The following CLPTM1 variants were observed in gnomAD, a reference collection of about 807,000 sequenced individuals.
The protein encoded by CLPTM1 is CLPTM1 regulator of GABA type A receptor forward trafficking, also known as putative lipid scramblase CLPTM1.
In CLPTM1, 21 loss-of-function variants were observed where a neutral mutation model predicts 77.3. The ratio of observed to expected loss-of-function variants is 0.27; its 90% CI spans 0.19 to 0.39. The LOEUF (loss-of-function observed/expected upper bound fraction) is 0.39, where lower values mean the gene tolerates loss of function less well. Among genes scored for constraint, CLPTM1 ranks in the 10% least tolerant of loss-of-function variants. The probability of loss-of-function intolerance (pLI) is 1.00; values close to 1 mark genes in which losing one functional copy is unlikely to be tolerated. For missense variants in CLPTM1, 642 were observed against 921.2 expected (o/e 0.70, Z 3.92); for synonymous variants, 373 against 381.0 (o/e 0.98, Z 0.24).
Position 44,991,447 on chromosome 19 carries a change from A to T in CLPTM1, c.1555+74A>T, listed in dbSNP as rs1971074622. 24 of 1,557,734 alleles carry T rather than the reference A, an allele frequency of 1.5e-5. No homozygotes were observed. In the Middle Eastern group the frequency reaches 6.8e-4, roughly 44 times the overall value. On this transcript the variant is annotated intron_variant, in intron 12 of 13. Transcript: ENST00000337392. This position sits in a 1 kb window ranked among gnomAD's most constrained non-coding sequence, Gnocchi z 5.4. ...GGCTCACAGCCCCAGTGTAGGAGAC[A>T]GACCCATCCCCAGACAGGGACAACC...
chr19:44,955,048 C>T (rs1600000412), upstream of CLPTM1: 20 of 1,535,520 alleles, frequency 1.3e-5, no homozygotes, highest in Middle Eastern at 1.7e-4. Flanking sequence ...CAGGGAGAAG[C>T]GGACAGGATG....
rs1172202518 is a variant in CLPTM1 at position 44,990,378 on chromosome 19, CT to C, written c.1133-16del. On this transcript the variant is annotated splice_polypyrimidine_tract_variant and intron_variant, in intron 9 of 13. Coordinates refer to ENST00000337392, the MANE Select transcript of CLPTM1 (RefSeq NM_001294.4). This position sits in a 1 kb window ranked among gnomAD's most constrained non-coding sequence, Gnocchi z 4.8. ...ACCTCCTCAGCCTCCTGGTTCCCCCCTACCCCCTGCGCACAGATATCCAGTT... is the reference window on the plus strand; with the variant it reads ...ACCTCCTCAGCCTCCTGGTTCCCCCCACCCCCTGCGCACAGATATCCAGTT... The C allele has an allele frequency of 1.9e-6, 3 of 1,612,446 alleles. No individual in the cohort carries two copies. Among genetic ancestry groups the C allele is most frequent in the East Asian group, 2.2e-5 (1 of 44,848 alleles).
rs1260064988 is a variant in CLPTM1 at position 44,990,292 on chromosome 19, C to T, written c.1133-103C>T. The T allele has an allele frequency of 8.1e-7, 1 of 1,231,248 alleles. No homozygotes were observed. Among genetic ancestry groups the T allele is most frequent in the Non-Finnish European group, 1.1e-6 (1 of 869,888 alleles). 76.3% of individuals were successfully genotyped at this position (1,231,248 alleles called of 1,614,324 possible). On this transcript the variant is annotated intron_variant, in intron 9 of 13. Transcript: ENST00000337392. The surrounding 1 kb of genome is among the most constrained non-coding windows in gnomAD (Gnocchi z 4.8). ...AGCACCCCTCCTGAGGACCCAGCCC[C>T]ACCCCAGGGTGTGAGGATGCAGGCC...
intron 2 of CLPTM1, among the ~76,000 whole-genome samples, chr19:44,969,645 G>A (rs981950461): frequency 6.6e-6 from 1 of 150,836 alleles, no homozygotes; most frequent in African/African-American, 2.4e-5. Context: ...CAACAGGAGA[G>A]AAGAATAAAT....
At position 44,992,580 on chromosome 19, in the gene CLPTM1, C is replaced by G. The variant is rs377622218; in HGVS notation, c.1724-31C>G. 9.3e-6 allele frequency: 15 copies of G among 1,611,518 alleles called. No homozygotes were observed. Among genetic ancestry groups the G allele is most frequent in the Non-Finnish European group, 1.3e-5 (15 of 1,178,946 alleles). On this transcript the variant is annotated intron_variant, in intron 13 of 13. Transcript: ENST00000337392. This position sits in a 1 kb window ranked among gnomAD's most constrained non-coding sequence, Gnocchi z 7.7. ...CCACCTGGCTGTGGACGGGCCAGCCCGACCTCACACTGCCTCCCACCCCTC... is the reference window on the plus strand; with the variant it reads ...CCACCTGGCTGTGGACGGGCCAGCCGGACCTCACACTGCCTCCCACCCCTC...
intron 2 of CLPTM1, 102 bp from the exon 3 acceptor site, chr19:44,972,985 C>T: frequency 6.6e-7 from 1 of 1,513,046 alleles, no homozygotes; most frequent in East Asian, 2.3e-5. Context: ...TCACTAGCCC[C>T]AGGTCAGGCG....
chr19:44,975,469 C>G (rs139130858), intron 4 of CLPTM1, among the ~76,000 whole-genome samples: 1 of 152,352 alleles, frequency 6.6e-6, no homozygotes, highest in African/African-American at 2.4e-5. Context: ...CCCCAGCAGG[C>G]CTTCTCAGCT....
rs1568391171 is a variant in CLPTM1 at position 44,992,603 on chromosome 19, CT to C, written c.1724-7del. 3.1e-6 allele frequency: 5 copies of C among 1,613,518 alleles called. No homozygotes were observed. Among genetic ancestry groups the C allele is most frequent in the Non-Finnish European group, 4.2e-6 (5 of 1,179,882 alleles). Reference sequence around the variant, plus strand: ...CCCGACCTCACACTGCCTCCCACCCCTCTCCAGATGTGGTTTTCTTCATCTA... The same window carrying C: ...CCCGACCTCACACTGCCTCCCACCCCCTCCAGATGTGGTTTTCTTCATCTA... On this transcript the variant is annotated splice_region_variant and splice_polypyrimidine_tract_variant and intron_variant, in intron 13 of 13. Transcript: ENST00000337392. This position sits in a 1 kb window ranked among gnomAD's most constrained non-coding sequence, Gnocchi z 7.7.
At position 44,990,707 on chromosome 19, in the gene CLPTM1, G is replaced by C; in HGVS notation, c.1323+122G>C. The stretch of plus-strand genomic sequence containing the variant: ...CAGCAAGTGCCTCACTCCCAGGACT[G>C]AGGGGATTTTCTCACCAGGGGATTT... On this transcript the variant is annotated intron_variant, in intron 10 of 13. Transcript: ENST00000337392. The surrounding 1 kb of genome is among the most constrained non-coding windows in gnomAD (Gnocchi z 4.8). 2 of 1,362,304 alleles carry C rather than the reference G, an allele frequency of 1.5e-6. No homozygotes were observed. Among genetic ancestry groups the C allele is most frequent in the Non-Finnish European group, 1.0e-6 (1 of 971,934 alleles). The allele number at this position is 1,362,304 out of a possible 1,614,324, so 84.4% of individuals were successfully genotyped here. A position where few individuals can be genotyped will look rare whatever the true frequency, so the allele number is the denominator to read the frequency against.
At chr19:44,978,069 C>T (rs559772142) in intron 5 of CLPTM1, among the ~76,000 whole-genome samples, 15 of 151,176 alleles carry the variant, frequency 9.9e-5, no homozygotes, top group East Asian at 7.9e-4. Flanking sequence ...AGAATCACAC[C>T]ACTGCACTCC....
At chr19:44,987,450 T>C in intron 8 of CLPTM1, 27 bp downstream of exon 8, 2 of 1,608,906 alleles carry the variant, frequency 1.2e-6, no homozygotes, top group Non-Finnish European at 1.7e-6. Context: ...TGGGCGGGAC[T>C]TCCCGGTGCC....
At chr19:44,975,353 A>G (rs899025457) in intron 4 of CLPTM1, among the ~76,000 whole-genome samples, 9 of 152,230 alleles carry the variant, frequency 5.9e-5, no homozygotes, top group South Asian at 2.1e-4. Context: ...GCACTGCCCA[A>G]CGTGGGGCTG....
chr19:44,973,251 G>A (rs149909400), intron 3 of CLPTM1, 41 bp downstream of exon 3: 6 of 1,613,082 alleles, frequency 3.7e-6, no homozygotes, highest in Non-Finnish European at 4.2e-6. Flanking sequence ...AGGTGATGGG[G>A]TGTGGAGGGG....
rs1971066615 is a variant in CLPTM1 at position 44,991,050 on chromosome 19, C to T, written c.1419+105C>T. On this transcript the variant is annotated intron_variant, in intron 11 of 13. Transcript: ENST00000337392. This position sits in a 1 kb window ranked among gnomAD's most constrained non-coding sequence, Gnocchi z 5.4. ...GTCTGCCGGACCCATGCTTTACAGC[C>T]TGTGCCACATCCTCTGTGTCCCCCA... is the stretch of plus-strand genomic sequence containing the variant. The T allele has an allele frequency of 2.3e-6, 3 of 1,298,464 alleles. No homozygotes were observed. Among genetic ancestry groups the T allele is most frequent in the African/African-American group, 2.9e-5 (2 of 68,538 alleles). The allele number at this position is 1,298,464 out of a possible 1,614,324, so 80.4% of individuals were successfully genotyped here.
Sources: gnomAD v4.1 joint callset for allele counts (sites outside exome capture counted in the v4.1 genomes callset) on GRCh38, gnomAD v4.1.1 for gene constraint, Gnocchi (gnomAD v3.1) non-coding constraint, MANE v1.5 for transcripts, NCBI Gene and HGNC (gene_info 2026-07-23, HGNC 2026-07-21) for gene names.